The following CUL1 variants were observed in gnomAD, a reference collection of about 807,000 sequenced individuals.
CUL1 encodes cullin 1.
In CUL1, 24 loss-of-function variants were observed where a neutral mutation model predicts 118.0. The observed-to-expected ratio is 0.20, with a 90% CI of 0.15 to 0.29. The LOEUF is 0.29. Ranked by LOEUF, CUL1 falls within the 10% of genes least tolerant of loss-of-function variation. CUL1 has a pLI of 1.00. For missense variants in CUL1, 361 were observed against 933.8 expected (o/e 0.39, Z 7.99); for synonymous variants, 332 against 340.4 (o/e 0.98, Z 0.27).
At chr7:148,712,881 A>G (rs1239131986) in intron 1 of CUL1, among the ~76,000 whole-genome samples, 1 of 152,220 alleles carries the variant, frequency 6.6e-6, no homozygotes, top group Non-Finnish European at 1.5e-5. Flanking sequence ...TGTACTGTCA[A>G]TCAGTGCCTC....
intron 1 of CUL1, among the ~76,000 whole-genome samples, chr7:148,716,606 G>GTT (rs1337559843): frequency 6.6e-6 from 1 of 152,104 alleles, no homozygotes; most frequent in Non-Finnish European, 1.5e-5. Flanking sequence ...TTAGTGTTCA[G>GTT]TTTAGCCTCC....
chr7:148,776,974 G>A (rs1441215863), intron 9 of CUL1, among the ~76,000 whole-genome samples: 1 of 152,156 alleles, frequency 6.6e-6, no homozygotes, highest in Non-Finnish European at 1.5e-5. Context: ...GTCTTCCCTG[G>A]CAAGTCTTAG....
rs557511636 is a variant in CUL1, at chr7:148,772,833, G to A, written c.1083+5084G>A. 1.6e-4 allele frequency among the ~76,000 whole-genome samples: 25 copies of A among 151,984 alleles called. No homozygotes were observed. In the East Asian group the frequency reaches 4.7e-3, roughly 28 times the overall value. On this transcript the variant is annotated intron_variant, in intron 9 of 21. Transcript: ENST00000325222. ...CTAATAGGGTATAATTTCCTGCAGG[G>A]TCTGGACGTAGCCTCAGAATCCTCC...
intron 2 of CUL1, among the ~76,000 whole-genome samples, chr7:148,743,403 A>C (rs1799207584): frequency 6.6e-6 from 1 of 152,210 alleles, no homozygotes; most frequent in Non-Finnish European, 1.5e-5. Flanking sequence ...TGGAGGCTAC[A>C]AATCAGGGCT....
At chr7:148,764,508 G>A (rs1366576336) in intron 7 of CUL1, among the ~76,000 whole-genome samples, 8 of 152,216 alleles carry the variant, frequency 5.3e-5, no homozygotes, top group African/African-American at 1.9e-4. Context: ...CTAAGAGGTG[G>A]AGAGCCGTGC....
rs1797613674 is a variant in CUL1 at position 148,698,912 on chromosome 7, A to C, written c.-279A>C. 1 of 153,574 alleles carries C rather than the reference A, an allele frequency of 6.5e-6. No homozygotes were observed. The highest frequency in any genetic ancestry group is 1.5e-5 in the Non-Finnish European group (1 of 68,808). The allele number at this position is 153,574 out of a possible 1,614,324, so 9.5% of individuals were successfully genotyped here. On this transcript the variant is annotated 5_prime_UTR_variant, in exon 1 of 22. Coordinates refer to ENST00000325222, the MANE Select transcript of CUL1 (RefSeq NM_003592.3). ...TGTCGCACGCAGCTCCAGGCGGGGC[A>C]GCCCCGGTAGCTGAGGGACGCAGCT...
intron 1 of CUL1, among the ~76,000 whole-genome samples, chr7:148,705,526 G>A (rs923667296): frequency 7.7e-4 from 117 of 152,170 alleles, no homozygotes; most frequent in African/African-American, 2.6e-3. Flanking sequence ...CTGGGAGGGG[G>A]CACCTTTGCT....
At chr7:148,760,300 G>A in intron 6 of CUL1, 33 bp from the exon 7 acceptor site, 2 of 1,559,108 alleles carry the variant, frequency 1.3e-6, no homozygotes, top group South Asian at 2.4e-5. Context: ...AAAAAAATAG[G>A]GTAATTGAAA....
chr7:148,704,763 T>C (rs1044641544), intron 1 of CUL1, among the ~76,000 whole-genome samples: 1 of 152,212 alleles, frequency 6.6e-6, no homozygotes, highest in African/African-American at 2.4e-5. Flanking sequence ...ATGTTAGCAT[T>C]GATTGTCTCT....
intron 9 of CUL1, among the ~76,000 whole-genome samples, chr7:148,773,736 A>G (rs1179368750): frequency 6.6e-6 from 1 of 152,132 alleles, no homozygotes; most frequent in Non-Finnish European, 1.5e-5. Flanking sequence ...TTCTCTTCTT[A>G]GAGACAGTCC....
intron 1 of CUL1, among the ~76,000 whole-genome samples, chr7:148,703,041 A>C (rs1307590757): frequency 2.6e-5 from 4 of 152,246 alleles, no homozygotes; most frequent in African/African-American, 9.6e-5. Flanking sequence ...AGGGCTAGGA[A>C]GGTAGTCAAG....
intron 2 of CUL1, among the ~76,000 whole-genome samples, chr7:148,750,494 C>G (rs1214418796): frequency 6.6e-6 from 1 of 152,078 alleles, no homozygotes; most frequent in Non-Finnish European, 1.5e-5. Context: ...GTTCCCCTTC[C>G]TGTGTCCAAG....
At chr7:148,760,540 A>T in intron 7 of CUL1, 44 bp downstream of exon 7, 1 of 1,380,612 alleles carries the variant, frequency 7.2e-7, no homozygotes, top group Non-Finnish European at 9.9e-7. Context: ...AGTTAAAGTC[A>T]TTGCTACTCA....
rs1465011294 is a variant in CUL1 at position 148,800,567 on chromosome 7, C to T, written c.2316C>T (p.Tyr772=). 5.6e-6 allele frequency: 9 copies of T among 1,613,134 alleles called. No homozygotes were observed. The highest frequency in any genetic ancestry group is 7.6e-6 in the Non-Finnish European group (9 of 1,179,122). Residue 772 remains tyrosine, a synonymous_variant, in exon 22 of 22, where the codon TAC becomes TAT. Transcript: ENST00000325222. This position sits in a 1 kb window ranked among gnomAD's most constrained non-coding sequence, Gnocchi z 4.6. ...LERVDGEKDT[Y]SYLA ...GAGTGGATGGTGAAAAGGACACCTA[C>T]AGTTACTTGGCTTAACCCTTCTGGA...
Position 148,754,028 on chromosome 7 carries a change from G to C in CUL1, c.193G>C (p.Ala65Pro). The C allele has an allele frequency of 6.2e-7, 1 of 1,613,898 alleles. No individual in the cohort carries two copies. The highest frequency in any genetic ancestry group is 8.5e-7 in the Non-Finnish European group (1 of 1,179,882). ...SVHQSNQARG[A>P]GVPPSKSKKG... ...TCACCAGTCAAACCAAGCACGAGGAGCTGGAGTTCCTCCTTCTAAGTCGAA... is the reference window on the plus strand; with the variant it reads ...TCACCAGTCAAACCAAGCACGAGGACCTGGAGTTCCTCCTTCTAAGTCGAA... Residue 65 changes from alanine (A) to proline (P), a missense_variant, in exon 3 of 22, where the codon GCT becomes CCT. Ala to Pro is a conservative substitution (Grantham distance 27, BLOSUM62 -1). Coordinates refer to ENST00000325222, the MANE Select transcript of CUL1 (RefSeq NM_003592.3).
At chr7:148,798,776 G>C in intron 20 of CUL1, 99 bp downstream of exon 20, 1 of 926,664 alleles carries the variant, frequency 1.1e-6, no homozygotes, top group Non-Finnish European at 1.8e-6. Flanking sequence ...ACAAAGGAGT[G>C]ATTGCCAGAT....
At chr7:148,728,424 G>A (rs568850053) in intron 1 of CUL1, among the ~76,000 whole-genome samples, 1 of 152,268 alleles carries the variant, frequency 6.6e-6, no homozygotes, top group East Asian at 1.9e-4. Context: ...ATTAAGTGAT[G>A]GGGAAAGTAG....
intron 4 of CUL1, among the ~76,000 whole-genome samples, chr7:148,758,820 AACTG>A (rs1398209720): frequency 6.6e-6 from 1 of 152,130 alleles, no homozygotes; most frequent in Non-Finnish European, 1.5e-5. Context: ...TTATTTTTTT[AACTG>A]ACAAAAATGT....
chr7:148,787,253 G>A lies in CUL1; in HGVS notation c.1479+133G>A, dbSNP rs930078377. On this transcript the variant is annotated intron_variant, in intron 13 of 21. Coordinates refer to ENST00000325222, the MANE Select transcript of CUL1 (RefSeq NM_003592.3). The surrounding 1 kb of genome is among the most constrained non-coding windows in gnomAD (Gnocchi z 5.5). ...CGAGGCGGGCAGATCACGAGGTCAG[G>A]AGATCGAGACCATCCTGGCTAATAT... The A allele has an allele frequency of 3.3e-5, 26 of 786,532 alleles. No individual in the cohort carries two copies. In the African/African-American group the frequency reaches 4.0e-4, roughly 12 times the overall value. 48.7% of individuals were successfully genotyped at this position (786,532 alleles called of 1,614,324 possible).
Sources: gnomAD v4.1 joint callset for allele counts (sites outside exome capture counted in the v4.1 genomes callset) on GRCh38, gnomAD v4.1.1 for gene constraint, Gnocchi (gnomAD v3.1) non-coding constraint, MANE v1.5 for transcripts, NCBI Gene and HGNC (gene_info 2026-07-23, HGNC 2026-07-21) for gene names.